MICAL2: variants seen among roughly 807,000 people sequenced by gnomAD.
The protein encoded by MICAL2 is microtubule associated monooxygenase, calponin and LIM domain containing 2.
MICAL2 carries 77 observed loss-of-function variants against 127.3 expected under a neutral mutation model. The observed-to-expected ratio is 0.60, with a 90% CI of 0.50 to 0.73. MICAL2 has a LOEUF of 0.73. Among genes scored for constraint, MICAL2 ranks in the 30% least tolerant of loss-of-function variants. The pLI is 0.00. For synonymous variants in MICAL2, 570 were observed against 551.1 expected, an observed-to-expected ratio of 1.03 and a Z score of -0.48; for missense variants, 1,351 against 1,434.4, an observed-to-expected ratio of 0.94 and a Z score of 0.94.
chr11:12,163,828 T>C (rs1855141611), intron 3 of MICAL2: 1 of 152,158 alleles, frequency 6.6e-6, no homozygotes, highest in African/African-American at 2.4e-5. Flanking sequence ...GAGGGGAAGC[T>C]TTTAGCTTCC....
intron 29 of MICAL2, among the ~76,000 whole-genome samples, chr11:12,314,559 A>C (rs1321935377): frequency 6.6e-6 from 1 of 151,846 alleles, no homozygotes; most frequent in African/African-American, 2.4e-5. Context: ...GCTCACTGAA[A>C]GTTCCGTCTC....
rs577811014 is a variant in MICAL2, at chr11:12,207,709, A to G, written c.473-314A>G. 74 of 224,770 alleles carry G rather than the reference A, an allele frequency of 3.3e-4. 2 individuals carry two copies. The South Asian group carries it at 6.7e-3, about 20-fold the overall frequency. The allele number at this position is 224,770 out of a possible 1,614,324, so 13.9% of individuals were successfully genotyped here. A position where few individuals can be genotyped will look rare whatever the true frequency, so the allele number is the denominator to read the frequency against. On this transcript the variant is annotated intron_variant, in intron 4 of 27. Transcript: ENST00000683283. ...GTTACAGCATCATCTAGCAGCTAGAACAGGGTCTAGAAATCAGACAGATGT... is the reference window on the plus strand; with the variant it reads ...GTTACAGCATCATCTAGCAGCTAGAGCAGGGTCTAGAAATCAGACAGATGT...
At chr11:12,334,935 C>A (rs921184463) in intron 32 of MICAL2, among the ~76,000 whole-genome samples, 4 of 152,028 alleles carry the variant, frequency 2.6e-5, no homozygotes, top group Admixed American at 6.5e-5. Flanking sequence ...GTCTTTATAG[C>A]AGCATGACTT....
intron 23 of MICAL2, 162 bp from the exon 24 acceptor site, chr11:12,256,623 G>A: frequency 1.5e-6 from 1 of 647,356 alleles, no homozygotes; most frequent in South Asian, 2.1e-5. Context: ...TGGGTTGGGG[G>A]TGTATCTTCC....
chr11:12,298,951 T>A (rs1047674130), intron 29 of MICAL2, among the ~76,000 whole-genome samples: 1 of 152,228 alleles, frequency 6.6e-6, no homozygotes, highest in Admixed American at 6.5e-5. Context: ...AATTCATAGG[T>A]AATATTGGCC....
chr11:12,249,763 C>A (rs975953382), intron 22 of MICAL2, among the ~76,000 whole-genome samples: 3 of 152,222 alleles, frequency 2.0e-5, no homozygotes, highest in Non-Finnish European at 4.4e-5. Context: ...CCAAACTCAG[C>A]GGAGAAGTGT....
intron 30 of MICAL2, among the ~76,000 whole-genome samples, chr11:12,323,668 A>G (rs1387312296): frequency 6.6e-6 from 1 of 152,214 alleles, no homozygotes; most frequent in Non-Finnish European, 1.5e-5. Context: ...AGAACCTACT[A>G]GCGACATGTG....
rs532678131 is a variant in MICAL2 at position 12,307,604 on chromosome 11, A to G, written c.5213-12092A>G. ...TTCTAGATAATTTTTTTACATTGCAATGAATGCAAGATTCTAGTTAATTTT... is the reference window on the plus strand; with the variant it reads ...TTCTAGATAATTTTTTTACATTGCAGTGAATGCAAGATTCTAGTTAATTTT... On this transcript the variant is annotated intron_variant, in intron 29 of 34. Transcript: ENST00000646065. Among the ~76,000 whole-genome samples, 31 of 152,322 alleles carry G rather than the reference A, an allele frequency of 2.0e-4. No homozygotes were observed. In the South Asian group the frequency reaches 4.3e-3, roughly 21 times the overall value.
intron 3 of MICAL2, among the ~76,000 whole-genome samples, chr11:12,169,815 A>T (rs1198971674): frequency 6.6e-6 from 1 of 152,244 alleles, no homozygotes; most frequent in South Asian, 2.1e-4. Context: ...TGCTACATTT[A>T]AAAATTATAG....
chr11:12,247,145 C>A (rs536499253), intron 21 of MICAL2, among the ~76,000 whole-genome samples: 3 of 152,126 alleles, frequency 2.0e-5, no homozygotes, highest in Non-Finnish European at 4.4e-5. Flanking sequence ...CAGTGCTCTC[C>A]TGTGTCCTGC....
intron 3 of MICAL2, among the ~76,000 whole-genome samples, chr11:12,168,658 T>C (rs1565084953): frequency 6.6e-6 from 1 of 151,614 alleles, no homozygotes; most frequent in African/African-American, 2.4e-5. Context: ...ATATACTTTT[T>C]CTTTATAAGG....
At chr11:12,251,197 A>G (rs1443057366) in intron 22 of MICAL2, among the ~76,000 whole-genome samples, 1 of 152,164 alleles carries the variant, frequency 6.6e-6, no homozygotes, top group Non-Finnish European at 1.5e-5. Context: ...GTTTAAAAAG[A>G]AAAAACCTGT....
chr11:12,152,925 G>A (rs185003408), intron 2 of MICAL2, among the ~76,000 whole-genome samples: 2 of 151,436 alleles, frequency 1.3e-5, no homozygotes, highest in Admixed American at 6.6e-5. Context: ...ACTTATAGAA[G>A]GTGGTGATGG....
At chr11:12,361,366 C>A (rs1014751392), downstream of MICAL2, among the ~76,000 whole-genome samples, 5 of 152,078 alleles carry the variant, frequency 3.3e-5, no homozygotes, top group East Asian at 7.7e-4. Context: ...GAATATTAGT[C>A]CTTAACTCCA....
At chr11:12,114,622 G>C (rs1331147748) in intron 1 of MICAL2, among the ~76,000 whole-genome samples, 1 of 152,166 alleles carries the variant, frequency 6.6e-6, no homozygotes, top group Non-Finnish European at 1.5e-5. Context: ...ACACGCAGAG[G>C]CTCCATAAGC....
chr11:12,349,396 G>A (rs1467446760), intron 32 of MICAL2, among the ~76,000 whole-genome samples: 1 of 152,150 alleles, frequency 6.6e-6, no homozygotes, highest in East Asian at 1.9e-4. Flanking sequence ...CCTGCCCCAT[G>A]GAAGGAGCCA....
At chr11:12,349,948 C>T in intron 33 of MICAL2, 1 of 1,608,554 alleles carries the variant, frequency 6.2e-7, no homozygotes. Flanking sequence ...GTAAGTAAGG[C>T]AACACAGATA....
chr11:12,340,930 A>G (rs1034524278), intron 32 of MICAL2, among the ~76,000 whole-genome samples: 1 of 152,236 alleles, frequency 6.6e-6, no homozygotes, highest in East Asian at 1.9e-4. Flanking sequence ...TCTGACTCCC[A>G]GAACAGAATT....
At chr11:12,162,456 C>A (rs1217748718) in intron 3 of MICAL2, 37 bp downstream of exon 3, 11 of 1,606,628 alleles carry the variant, frequency 6.8e-6, no homozygotes, top group African/African-American at 1.3e-5. Context: ...CTTTGCAGGG[C>A]GTGTGGGTTG....
Sources: gnomAD v4.1 joint callset for allele counts (sites outside exome capture counted in the v4.1 genomes callset) on GRCh38, gnomAD v4.1.1 for gene constraint, MANE v1.5 for transcripts, NCBI Gene and HGNC (gene_info 2026-07-23, HGNC 2026-07-21) for gene names.